NBPF12: variants seen among roughly 807,000 people sequenced by gnomAD.
NBPF12 encodes the protein NBPF member 12.
NBPF12 carries 115 observed loss-of-function variants against 146.4 expected under a neutral mutation model. The ratio of observed to expected loss-of-function variants is 0.79; its 90% CI spans 0.68 to 0.92. The LOEUF (loss-of-function observed/expected upper bound fraction) is 0.92, where lower values mean the gene tolerates loss of function less well. Ranked by LOEUF, NBPF12 falls within the 40% of genes least tolerant of loss-of-function variation. The pLI, the probability that NBPF12 is intolerant of heterozygous loss-of-function variation, is 0.00. For synonymous variants in NBPF12, 385 were observed against 508.9 expected, an observed-to-expected ratio of 0.76 and a Z score of 3.28; for missense variants, 1,205 against 1,326.8, an observed-to-expected ratio of 0.91 and a Z score of 1.43.
intron 16 of NBPF12, among the ~76,000 whole-genome samples, chr1:146,976,309 A>C (rs1406278618): frequency 0.031 from 4,612 of 148,256 alleles, 99 homozygotes; most frequent in Non-Finnish European, 0.048. Flanking sequence ...CATGGCAGAC[A>C]AATTGTCTCT....
At chr1:146,994,279 C>G (rs587688117) in intron 33 of NBPF12, 53 bp from the exon 37 acceptor site, 1 of 1,611,056 alleles carries the variant, frequency 6.2e-7, no homozygotes, top group Non-Finnish European at 8.5e-7. Flanking sequence ...TAGTGAGGCT[C>G]TGTGGTGTCT....
Position 146,949,432 on chromosome 1 carries a change from A to G in NBPF12, c.-326+10A>G, listed in dbSNP as rs1299943349. On this transcript the variant is annotated intron_variant, in intron 1 of 33. Coordinates refer to ENST00000617844, the Ensembl canonical transcript of NBPF12. ...GAACAGCCACATAAAGGTGAGGGCA[A>G]TATTTTTACTGTAGTTCTTTCATTG... 7.5e-6 allele frequency: 1 copy of G among 133,270 alleles called. No homozygotes were observed. The highest frequency in any genetic ancestry group is 1.6e-5 in the Non-Finnish European group (1 of 63,796). 8.3% of individuals were successfully genotyped at this position (133,270 alleles called of 1,614,324 possible).
At chr1:146,950,216 T>C (rs1217446792) in intron 1 of NBPF12, among the ~76,000 whole-genome samples, 1 of 151,606 alleles carries the variant, frequency 6.6e-6, no homozygotes, top group Non-Finnish European at 1.5e-5. Flanking sequence ...AAAAATGTCA[T>C]GTAGACCACA....
At chr1:146,945,001 TCCC>T (rs1570811167), upstream of NBPF12, among the ~76,000 whole-genome samples, 6,605 of 57,264 alleles carry the variant, frequency 0.12, 788 homozygotes, top group Admixed American at 0.2. Context: ...CCTCCCTCCC[TCCC>T]TTCCTTCCTC....
At chr1:146,984,472 ATGCTTTTCAT>A (rs1435619851) in intron 21 of NBPF12, among the ~76,000 whole-genome samples, 2 of 150,336 alleles carry the variant, frequency 1.3e-5, no homozygotes, top group Non-Finnish European at 2.9e-5. Context: ...TATTGAGGCC[ATGCTTTTCAT>A]GATCACTGTT....
At chr1:146,961,789 G>C (rs1325965795) in intron 4 of NBPF12, among the ~76,000 whole-genome samples, 1 of 151,906 alleles carries the variant, frequency 6.6e-6, no homozygotes, top group Non-Finnish European at 1.5e-5. Flanking sequence ...CTTCCCGACT[G>C]TACAAGAAAT....
chr1:146,939,876 G>A (rs1236773513), intron 1 of NBPF12, among the ~76,000 whole-genome samples: 7 of 151,684 alleles, frequency 4.6e-5, no homozygotes, highest in South Asian at 4.2e-4. Flanking sequence ...CCAGCTACTC[G>A]GGAGGCTGAG....
chr1:146,995,958 T>C (rs1381690400), exon 34 of NBPF12: 1 of 150,796 alleles, frequency 6.6e-6, no homozygotes, highest in South Asian at 2.1e-4. Flanking sequence ...CTGCAAATTT[T>C]GGGTCTCAAT....
At chr1:146,992,468 G>GTGTTTGTGTGTT (rs1658249110) in intron 31 of NBPF12, among the ~76,000 whole-genome samples, 1 of 72,140 alleles carries the variant, frequency 1.4e-5, no homozygotes, top group African/African-American at 6.7e-5. Context: ...CTCTCTGTGT[G>GTGTTTGTGTGTT]TGTGTGTGTG....
At chr1:146,965,819 A>AAAAAAAAG (rs1656164145) in intron 8 of NBPF12, among the ~76,000 whole-genome samples, 1 of 143,720 alleles carries the variant, frequency 7.0e-6, no homozygotes, top group Non-Finnish European at 1.5e-5. Flanking sequence ...AAAAAAAAAA[A>AAAAAAAAG]AGTCTCTGAC....
At chr1:146,954,464 ATTGCT>A (rs1395719017) in intron 2 of NBPF12, among the ~76,000 whole-genome samples, 2 of 146,006 alleles carry the variant, frequency 1.4e-5, no homozygotes, top group Non-Finnish European at 3.0e-5. Flanking sequence ...ACTACAAAAA[ATTGCT>A]TTGAGAAATT....
chr1:146,949,851 C>T (rs1655247224), intron 1 of NBPF12, among the ~76,000 whole-genome samples: 1 of 151,924 alleles, frequency 6.6e-6, no homozygotes. Context: ...TCTGTTTCAT[C>T]TTTCAACCAA....
At chr1:146,951,289 T>C (rs1487185915) in intron 1 of NBPF12, 59 bp from the exon 5 acceptor site, 10 of 699,470 alleles carry the variant, frequency 1.4e-5, no homozygotes, top group Non-Finnish European at 2.0e-5. Flanking sequence ...AGAAAGTGTC[T>C]CATTGGTAAA....
At chr1:146,972,308 C>T (rs1284860780) in intron 13 of NBPF12, among the ~76,000 whole-genome samples, 1 of 151,006 alleles carries the variant, frequency 6.6e-6, no homozygotes, top group Non-Finnish European at 1.5e-5. Flanking sequence ...TGATGAGAAT[C>T]GCTTGAACCC....
At chr1:146,939,260 G>A (rs1446551671) in intron 1 of NBPF12, among the ~76,000 whole-genome samples, 3 of 152,076 alleles carry the variant, frequency 2.0e-5, no homozygotes, top group Non-Finnish European at 2.9e-5. Context: ...GAGGGACGGA[G>A]CAGCTTCGGG....
intron 14 of NBPF12, among the ~76,000 whole-genome samples, chr1:146,973,578 A>G (rs1322385930): frequency 6.7e-6 from 1 of 149,416 alleles, no homozygotes; most frequent in Non-Finnish European, 1.5e-5. Flanking sequence ...GCACGAGGTC[A>G]GGAGTTTGAG....
intron 9 of NBPF12, among the ~76,000 whole-genome samples, chr1:146,967,048 T>A (rs1656257139): frequency 1.3e-5 from 2 of 151,470 alleles, no homozygotes; most frequent in South Asian, 2.1e-4. Flanking sequence ...ACTAGTGAAC[T>A]TTTATTCAGT....
chr1:146,962,231 T>A (rs1356997728), exon 5 of NBPF12: 1 of 1,607,176 alleles, frequency 6.2e-7, no homozygotes, highest in African/African-American at 1.3e-5. Context: ...AGGAGAAGCT[T>A]GCAGAGCAGC....
intron 31 of NBPF12, among the ~76,000 whole-genome samples, chr1:146,992,498 G>T (rs1229734610): frequency 3.2e-5 from 4 of 124,900 alleles, no homozygotes; most frequent in East Asian, 5.5e-4. Flanking sequence ...GTGTGTGTGT[G>T]TGTGTGTGTG....
Sources: gnomAD v4.1 joint callset for allele counts (sites outside exome capture counted in the v4.1 genomes callset) on GRCh38, gnomAD v4.1.1 for gene constraint, MANE v1.5 for transcripts, NCBI Gene and HGNC (gene_info 2026-07-23, HGNC 2026-07-21) for gene names.